NELL2: variants seen among roughly 807,000 people sequenced by gnomAD.
NELL2 encodes the protein neural EGFL like 2.
A neutral mutation model predicts 109.6 loss-of-function variants in NELL2; 41 were observed. The ratio of observed to expected loss-of-function variants is 0.37; its 90% CI spans 0.29 to 0.49. NELL2 has a LOEUF of 0.49. Among genes scored for constraint, NELL2 ranks in the 20% least tolerant of loss-of-function variants. NELL2 has a pLI of 0.98. For synonymous variants in NELL2, 355 were observed against 344.7 expected (o/e 1.03, Z -0.33); for missense variants, 900 against 1,008.3 (o/e 0.89, Z 1.45).
At chr12:44,863,711 C>A (rs1404785178) in intron 2 of NELL2, among the ~76,000 whole-genome samples, 1 of 152,066 alleles carries the variant, frequency 6.6e-6, no homozygotes, top group Non-Finnish European at 1.5e-5. Flanking sequence ...ATGAAAACAT[C>A]TGAAATATAA....
chr12:44,544,543 A>C (rs1474694034), intron 15 of NELL2, among the ~76,000 whole-genome samples: 1 of 152,110 alleles, frequency 6.6e-6, no homozygotes, highest in Non-Finnish European at 1.5e-5. Flanking sequence ...CCTTGTAAGA[A>C]AGGGTGCTGG....
chr12:44,560,178 T>C (rs1022582296), intron 15 of NELL2, among the ~76,000 whole-genome samples: 6 of 152,086 alleles, frequency 3.9e-5, no homozygotes, highest in Non-Finnish European at 5.9e-5. Flanking sequence ...AGCTAAAGCA[T>C]TGTTGAGACG....
upstream of NELL2, among the ~76,000 whole-genome samples, chr12:44,879,294 C>G (rs530360355): frequency 3.3e-5 from 5 of 152,296 alleles, no homozygotes; most frequent in Admixed American, 2.0e-4. Context: ...GAACAACCAT[C>G]CGTAAGATAA....
intron 3 of NELL2, among the ~76,000 whole-genome samples, chr12:44,789,392 T>G (rs2136623911): frequency 6.6e-6 from 1 of 152,136 alleles, no homozygotes; most frequent in South Asian, 2.1e-4. Context: ...TCACTGCAGC[T>G]TCACAGGAAG....
rs541488460 is a variant in NELL2, at chr12:44,584,544, T to C, written c.1663+22625A>G. On this transcript the variant is annotated intron_variant, in intron 15 of 19. Transcript: ENST00000429094. ...TATACCTGAGCCTTATTTATGCAGT[T>C]GTTCTGTTTGGCAAGGTTAGGGAAA... is the stretch of plus-strand genomic sequence containing the variant. Among the ~76,000 whole-genome samples, 8 of 152,340 alleles carry C rather than the reference T, an allele frequency of 5.3e-5. No individual in the cohort carries two copies. The South Asian group carries it at 1.7e-3, about 32-fold the overall frequency.
In NELL2 at chr12:44,607,231, G is replaced by T; in HGVS notation, c.1601C>A (p.Ala534Asp). Reference protein sequence around the residue: ...FCKDGCRNGGACIAANVCACP... With the variant: ...FCKDGCRNGGDCIAANVCACP... ...GGCACACACATTAGCGGCAATACAG[G>T]CTCCTCCATTCCTACAGCCATCTTT... Residue 534 changes from alanine (A) to aspartate (D), a missense_variant, in exon 15 of 20, where the codon GCC becomes GAC. Ala to Asp is a moderately radical substitution (Grantham distance 126). Transcript: ENST00000429094. 6.2e-7 allele frequency: 1 copy of T among 1,612,536 alleles called. No individual in the cohort carries two copies. The highest frequency in any genetic ancestry group is 1.1e-5 in the South Asian group (1 of 90,980).
chr12:44,740,661 A>G (rs1939906174), intron 9 of NELL2, among the ~76,000 whole-genome samples: 1 of 152,192 alleles, frequency 6.6e-6, no homozygotes, highest in Non-Finnish European at 1.5e-5. Flanking sequence ...GGAAAAAAAA[A>G]GAGTCTAGAA....
intron 13 of NELL2, among the ~76,000 whole-genome samples, chr12:44,617,000 T>C (rs1945845791): frequency 6.6e-6 from 1 of 152,200 alleles, no homozygotes; most frequent in South Asian, 2.1e-4. Context: ...GAGTACAAGC[T>C]GAGTTTAAAG....
intron 3 of NELL2, among the ~76,000 whole-genome samples, chr12:44,793,339 ATTAT>A (rs1244240995): frequency 6.6e-6 from 1 of 152,182 alleles, no homozygotes; most frequent in Non-Finnish European, 1.5e-5. Flanking sequence ...ACAAGTATTC[ATTAT>A]TTAATCAATT....
At chr12:44,794,115 C>A (rs537312672) in intron 3 of NELL2, among the ~76,000 whole-genome samples, 14 of 152,254 alleles carry the variant, frequency 9.2e-5, no homozygotes, top group Middle Eastern at 3.4e-3. Context: ...GAACATCTAA[C>A]CCTAAAGCCA....
chr12:44,805,629 A>T (rs1192569542), intron 3 of NELL2, among the ~76,000 whole-genome samples: 1 of 151,936 alleles, frequency 6.6e-6, no homozygotes, highest in African/African-American at 2.4e-5. Context: ...TAAAGGGCAT[A>T]AAAATAGAAT....
intron 2 of NELL2, among the ~76,000 whole-genome samples, chr12:44,826,200 A>G (rs561790165): frequency 6.6e-6 from 1 of 152,324 alleles, no homozygotes; most frequent in South Asian, 2.1e-4. Context: ...GAATTAAATG[A>G]GTTTCTGCCC....
At chr12:44,893,724 T>C (rs192381508) in intron 1 of NELL2, among the ~76,000 whole-genome samples, 2 of 152,154 alleles carry the variant, frequency 1.3e-5, no homozygotes, top group African/African-American at 4.8e-5. Flanking sequence ...GCCCCAAGCC[T>C]TCTAATTTTG....
chr12:44,703,810 T>C lies in NELL2; in HGVS notation c.1234A>G (p.Ile412Val), dbSNP rs1366689337. ...SERHNCMENS[I>V]CRNLNDRAVC... is the part of the protein sequence containing the mutation. ...GCCCTGTCATTCAGATTTCTGCAGA[T>C]GGAATTCTCCATGCAGTTATGCCTT... is the stretch of plus-strand genomic sequence containing the variant. The change falls in exon 12 of 20, where the codon ATC becomes GTC. Residue 412 changes from isoleucine (I) to valine (V), a missense_variant. Around this residue, in one of 4 missense-constraint regions of NELL2, gnomAD observed 292 missense variants for 265.3 expected, o/e 1.10. Transcript: ENST00000429094. The C allele has an allele frequency of 3.1e-6, 5 of 1,613,202 alleles. No homozygotes were observed. Among genetic ancestry groups the C allele is most frequent in the Non-Finnish European group, 4.2e-6 (5 of 1,179,520 alleles).
chr12:44,670,160 A>T (rs544694563), intron 12 of NELL2, among the ~76,000 whole-genome samples: 45 of 152,184 alleles, frequency 3.0e-4, no homozygotes, highest in Non-Finnish European at 5.6e-4. Context: ...CTCAAAAATG[A>T]AGGGTAAAGA....
Position 44,508,977 on chromosome 12 carries a change from T to G in NELL2, c.2408A>C (p.His803Pro). Residue 803 changes from histidine (H) to proline (P), a missense_variant, in exon 20 of 20, where the codon CAC becomes CCC. Physicochemically the swap from His to Pro is moderately conservative, Grantham distance 77. Transcript: ENST00000429094. Reference protein sequence around the residue: ...ECTLCQCKNGHICCSVDPQCL... With the variant: ...ECTLCQCKNGPICCSVDPQCL... ...CTGTGGATCCACTGAGCAACAGATG[T>G]GGCCATTCTAGATTTAAAAAAAGTA... 6 of 1,612,470 alleles carry G rather than the reference T, an allele frequency of 3.7e-6. No homozygotes were observed. The highest frequency in any genetic ancestry group is 5.1e-6 in the Non-Finnish European group (6 of 1,178,958).
chr12:44,517,512 C>A (rs1941333895), intron 19 of NELL2, among the ~76,000 whole-genome samples: 1 of 151,742 alleles, frequency 6.6e-6, no homozygotes, highest in Admixed American at 6.6e-5. Flanking sequence ...CCAATTAAAC[C>A]CCTTTTCTTT....
chr12:44,825,391 CTTTTTTTTTTTT>C (rs34266446), intron 2 of NELL2, among the ~76,000 whole-genome samples: 3 of 83,608 alleles, frequency 3.6e-5, no homozygotes, highest in Non-Finnish European at 4.4e-5. Context: ...TATTCATTTC[CTTTTTTTTTTTT>C]TTTTTTTTTT....
At chr12:44,909,854 A>T (rs1945760267) in intron 1 of NELL2, among the ~76,000 whole-genome samples, 1 of 151,918 alleles carries the variant, frequency 6.6e-6, no homozygotes. Context: ...ATACTCAACC[A>T]AGACAACAAA....
Sources: gnomAD v4.1 joint callset for allele counts (sites outside exome capture counted in the v4.1 genomes callset) on GRCh38, gnomAD v4.1.1 for gene constraint, gnomAD v4.1.1 regional missense constraint, MANE v1.5 for transcripts, NCBI Gene and HGNC (gene_info 2026-07-23, HGNC 2026-07-21) for gene names.